The following SSTR3 variants were observed in gnomAD, a reference collection of about 807,000 sequenced individuals.
The protein encoded by SSTR3 is somatostatin receptor type 3.
For synonymous variants in SSTR3, 281 were observed against 269.2 expected, an observed-to-expected ratio of 1.04 and a Z score of -0.43; for missense variants, 504 against 604.7, an observed-to-expected ratio of 0.83 and a Z score of 1.75.
Position 37,210,775 on chromosome 22 carries a change from A to C in SSTR3, c.-37+1050T>G, listed in dbSNP as rs968690325. Reference sequence around the variant, plus strand: ...CAGTTCAGGGAGGCCAGGCACCCCAATCATTCTCCATTTGCCCATCTCCCA... The same window carrying C: ...CAGTTCAGGGAGGCCAGGCACCCCACTCATTCTCCATTTGCCCATCTCCCA... On this transcript the variant is annotated intron_variant, in intron 1 of 1. Transcript: ENST00000610913. The C allele has an allele frequency of 4.1e-6, 4 of 985,396 alleles. No individual in the cohort carries two copies. The African/African-American group carries it at 7.0e-5, about 17-fold the overall frequency. 61.0% of individuals were successfully genotyped at this position (985,396 alleles called of 1,614,324 possible).
At position 37,205,426 on chromosome 22, in the gene SSTR3, C is replaced by A; in HGVS notation, c.*1121G>T. ...AGATCTGTACTTCTCCTTCCCCCTCCTCATCCTCCCCTTTCCCCCTTGTCT... is the reference window on the plus strand; with the variant it reads ...AGATCTGTACTTCTCCTTCCCCCTCATCATCCTCCCCTTTCCCCCTTGTCT... On this transcript the variant is annotated 3_prime_UTR_variant, in exon 2 of 2. Transcript: ENST00000610913. 6.5e-6 allele frequency: 1 copy of A among 153,700 alleles called. No individual in the cohort carries two copies. The allele number at this position is 153,700 out of a possible 1,614,324, so 9.5% of individuals were successfully genotyped here.
rs774000607 is a variant in SSTR3, at chr22:37,207,275, G to A, written c.529C>T (p.Pro177Ser). Residue 177 changes from proline to serine, a missense_variant, in exon 2 of 2, where the codon CCC (proline) becomes TCC (serine). Pro to Ser is a moderately conservative substitution (Grantham distance 74, BLOSUM62 -1). Transcript: ENST00000610913. ...GGCACTCCCGAGAAGACCACCACGG[G>A]CAGCACCACCACGGCTGAGGCCACC... Reference protein sequence around the residue: ...VWVASAVVVLPVVVFSGVPRG... With the variant: ...VWVASAVVVLSVVVFSGVPRG... 1 of 1,596,516 alleles carries A rather than the reference G, an allele frequency of 6.3e-7. No individual in the cohort carries two copies. Among genetic ancestry groups the A allele is most frequent in the Non-Finnish European group, 8.5e-7 (1 of 1,170,478 alleles).
Position 37,212,209 on chromosome 22 carries a change from AAG to A in SSTR3, c.-423_-422del, listed in dbSNP as rs34856117. ...AAAGGGGGTCGGGAGGAGGTGGAGA[AAG>A]AGAGAGAGAGAGAAAGAGGGAGGGG... On this transcript the variant is annotated 5_prime_UTR_variant, in exon 1 of 2. An upstream open reading frame in the 5' UTR gains an earlier in-frame stop. Coordinates refer to ENST00000610913, the MANE Select transcript of SSTR3 (RefSeq NM_001051.5). 230,158 of 848,914 alleles carry A rather than the reference AAG, an allele frequency of 0.27. 31,364 individuals are homozygous for A. The highest frequency in any genetic ancestry group is 0.29 in the Non-Finnish European group (204,244 of 707,510). The allele number at this position is 848,914 out of a possible 1,614,324, so 52.6% of individuals were successfully genotyped here.
At chr22:37,212,530 T>A (rs1926258067), upstream of SSTR3, among the ~76,000 whole-genome samples, 1 of 139,012 alleles carries the variant, frequency 7.2e-6, no homozygotes, top group African/African-American at 2.7e-5. Flanking sequence ...GGGGGCGGGG[T>A]GCAGGTTAAG....
chr22:37,206,715 C>T lies in SSTR3; in HGVS notation c.1089G>A (p.Glu363=), dbSNP rs199911328. ...EEEEDGEESR[E]GGKGKEMNGR... is the part of the protein sequence containing the mutation. The stretch of plus-strand genomic sequence containing the variant: ...CGTTCATCTCCTTCCCCTTGCCCCC[C>T]TCCCTGCTCTCCTCCCCATCCTCCT... Residue 363 remains glutamate, a synonymous_variant, in exon 2 of 2, where the codon GAG becomes GAA. Coordinates refer to ENST00000610913, the MANE Select transcript of SSTR3 (RefSeq NM_001051.5). The T allele has an allele frequency of 6.8e-6, 11 of 1,608,724 alleles. No individual in the cohort carries two copies. In the African/African-American group the frequency reaches 1.3e-4, roughly 19 times the overall value.
Position 37,206,463 on chromosome 22 carries a change from G to A in SSTR3, c.*84C>T. ...CAGGCCCCTCAACATCCCATCATGGGCCTGTGGCACCTTGGGAAGTAGGCC... is the reference window on the plus strand; with the variant it reads ...CAGGCCCCTCAACATCCCATCATGGACCTGTGGCACCTTGGGAAGTAGGCC... On this transcript the variant is annotated 3_prime_UTR_variant, in exon 2 of 2. Transcript: ENST00000610913. 6.6e-7 allele frequency: 1 copy of A among 1,504,882 alleles called. No homozygotes were observed. The highest frequency in any genetic ancestry group is 2.2e-5 in the Admixed American group (1 of 45,462). The allele number at this position is 1,504,882 out of a possible 1,614,324, so 93.2% of individuals were successfully genotyped here. A position where few individuals can be genotyped will look rare whatever the true frequency, so the allele number is the denominator to read the frequency against.
At chr22:37,213,094 G>A (rs1228208704), upstream of SSTR3, among the ~76,000 whole-genome samples, 2 of 152,184 alleles carry the variant, frequency 1.3e-5, no homozygotes, top group Non-Finnish European at 2.9e-5. Context: ...ATCACCTTTT[G>A]CTTAATTGGA....
In SSTR3 at chr22:37,206,709, G is replaced by C. The variant is rs764525740; in HGVS notation, c.1095C>G (p.Gly365=). Residue 365 remains glycine, a synonymous_variant, in exon 2 of 2, where the codon GGC becomes GGG. Coordinates refer to ENST00000610913, the MANE Select transcript of SSTR3 (RefSeq NM_001051.5). Reference sequence around the variant, plus strand: ...CCCGGCCGTTCATCTCCTTCCCCTTGCCCCCCTCCCTGCTCTCCTCCCCAT... The same window carrying C: ...CCCGGCCGTTCATCTCCTTCCCCTTCCCCCCCTCCCTGCTCTCCTCCCCAT... The part of the protein sequence containing the change: ...EEDGEESREG[G]KGKEMNGRVS... 1 of 1,608,338 alleles carries C rather than the reference G, an allele frequency of 6.2e-7. No individual in the cohort carries two copies. The highest frequency in any genetic ancestry group is 1.1e-5 in the South Asian group (1 of 91,064).
chr22:37,205,406 T>A lies in SSTR3; in HGVS notation c.*1141A>T, dbSNP rs1339790540. 3 of 152,974 alleles carry A rather than the reference T, an allele frequency of 2.0e-5. No individual in the cohort carries two copies. The highest frequency in any genetic ancestry group is 7.2e-5 in the African/African-American group (3 of 41,456). The allele number at this position is 152,974 out of a possible 1,614,324, so 9.5% of individuals were successfully genotyped here. A position where few individuals can be genotyped will look rare whatever the true frequency, so the allele number is the denominator to read the frequency against. Reference sequence around the variant, plus strand: ...CAAAGACGGCTCCAGGAAACAGATCTGTACTTCTCCTTCCCCCTCCTCATC... The same window carrying A: ...CAAAGACGGCTCCAGGAAACAGATCAGTACTTCTCCTTCCCCCTCCTCATC... On this transcript the variant is annotated 3_prime_UTR_variant, in exon 2 of 2. Transcript: ENST00000610913.
upstream of SSTR3, among the ~76,000 whole-genome samples, chr22:37,216,580 A>G (rs1247639050): frequency 6.6e-6 from 1 of 152,244 alleles, no homozygotes; most frequent in East Asian, 1.9e-4. Flanking sequence ...TCCAGAGTCC[A>G]GCCTCAGGGA....
At position 37,206,624 on chromosome 22, in the gene SSTR3, TG is replaced by T. The variant is rs1925771318; in HGVS notation, c.1179del (p.Ser394AlafsTer45). 3 of 1,611,912 alleles carry T rather than the reference TG, an allele frequency of 1.9e-6. No individual in the cohort carries two copies. The highest frequency in any genetic ancestry group is 1.7e-5 in the Admixed American group (1 of 60,006). On this transcript the variant is annotated frameshift_variant, in exon 2 of 2. Coordinates refer to ENST00000610913, the MANE Select transcript of SSTR3 (RefSeq NM_001051.5). LOFTEE classifies it low-confidence loss of function (END_TRUNC). ...SGQERPPSRVASKEQQLLPQE... is the reference protein window; with the variant it reads ...SGQERPPSRVXSKEQQLLPQE... ...TGGGGTAGGAGCTGCTGCTCCTTGCTGGCCACTCTGCTGGGCGGCCGCTCCT... is the reference window on the plus strand; with the variant it reads ...TGGGGTAGGAGCTGCTGCTCCTTGCTGCCACTCTGCTGGGCGGCCGCTCCT...
the SSTR3 span, among the ~76,000 whole-genome samples, chr22:37,218,748 T>C: frequency 6.6e-6 from 1 of 151,974 alleles, no homozygotes; most frequent in African/African-American, 2.4e-5. Flanking sequence ...GGCTGAATAC[T>C]CCTTGCTGGG....
chr22:37,207,175 G>C lies in SSTR3; in HGVS notation c.629C>G (p.Thr210Arg). Residue 210 changes from threonine (T) to arginine (R), a missense_variant, in exon 2 of 2, where the codon ACG (threonine) becomes AGG (arginine). Coordinates refer to ENST00000610913, the MANE Select transcript of SSTR3 (RefSeq NM_001051.5). ...CGGCCCGAAGAAGCCCAGTGCGGCCGTGTAGATGATGAAGCCGGCTCGCCA... is the reference window on the plus strand; with the variant it reads ...CGGCCCGAAGAAGCCCAGTGCGGCCCTGTAGATGATGAAGCCGGCTCGCCA... ...AAWRAGFIIY[T>R]AALGFFGPLL... 6.2e-7 allele frequency: 1 copy of C among 1,612,268 alleles called. No individual in the cohort carries two copies. The highest frequency in any genetic ancestry group is 1.1e-5 in the South Asian group (1 of 91,070).
In SSTR3 at chr22:37,207,341, G is replaced by A. The variant is rs141443248; in HGVS notation, c.463C>T (p.Arg155Cys). Residue 155 changes from arginine (R) to cysteine (C), a missense_variant, in exon 2 of 2, where the codon CGC becomes TGC. Arg to Cys is a radical substitution (Grantham distance 180, BLOSUM62 -3). Coordinates refer to ENST00000610913, the MANE Select transcript of SSTR3 (RefSeq NM_001051.5). ...ACCGTGCGGGCCACCGGAGCTGTGC[G>A]CCAGCGGGCCGAGCGGGTGGGATGT... Reference protein sequence around the residue: ...VVHPTRSARWRTAPVARTVSA... With the variant: ...VVHPTRSARWCTAPVARTVSA... 40 of 1,603,508 alleles carry A rather than the reference G, an allele frequency of 2.5e-5. No homozygotes were observed. Among genetic ancestry groups the A allele is most frequent in the Admixed American group, 8.4e-5 (5 of 59,470 alleles).
rs138252753 is a variant in SSTR3 at position 37,207,745 on chromosome 22, G to A, written c.59C>T (p.Ser20Leu). ...STTSEPENAS[S>L]AWPPDATLGN... ...CAGGGTGGCATCTGGGGGCCAGGCC[G>A]AGGAGGCATTCTCAGGTTCTGAGGT... is the stretch of plus-strand genomic sequence containing the variant. Residue 20 changes from serine (S) to leucine (L), a missense_variant, in exon 2 of 2, where the codon TCG becomes TTG. Physicochemically the swap from Ser to Leu is moderately radical, Grantham distance 145. Coordinates refer to ENST00000610913, the MANE Select transcript of SSTR3 (RefSeq NM_001051.5). 58 of 1,522,842 alleles carry A rather than the reference G, an allele frequency of 3.8e-5. No individual in the cohort carries two copies. The highest frequency in any genetic ancestry group is 3.6e-4 in the Middle Eastern group (2 of 5,630). The allele number at this position is 1,522,842 out of a possible 1,614,324, so 94.3% of individuals were successfully genotyped here.
chr22:37,204,900 C>G lies in SSTR3; in HGVS notation c.*1647G>C, dbSNP rs942563690. 1.3e-5 allele frequency: 2 copies of G among 152,454 alleles called. No individual in the cohort carries two copies. The highest frequency in any genetic ancestry group is 6.5e-5 in the Admixed American group (1 of 15,280). The allele number at this position is 152,454 out of a possible 1,614,324, so 9.4% of individuals were successfully genotyped here. On this transcript the variant is annotated 3_prime_UTR_variant, in exon 2 of 2. Coordinates refer to ENST00000610913, the MANE Select transcript of SSTR3 (RefSeq NM_001051.5). ...TGGTTCCTGTGCTTTCCCTGAGGAC[C>G]CCTGCCCTCTGCAAGGGGTGGGGAA...
chr22:37,218,311 C>T, the SSTR3 span, among the ~76,000 whole-genome samples: 1 of 152,214 alleles, frequency 6.6e-6, no homozygotes, highest in Non-Finnish European at 1.5e-5. Context: ...AATCCCAGCA[C>T]TTTGGGAAGC....
chr22:37,216,141 T>C (rs1371624354), upstream of SSTR3, among the ~76,000 whole-genome samples: 1 of 152,208 alleles, frequency 6.6e-6, no homozygotes, highest in Non-Finnish European at 1.5e-5. Flanking sequence ...TGGACTACTG[T>C]AGCGCTGAAA....
In SSTR3 at chr22:37,206,789, C is replaced by A; in HGVS notation, c.1015G>T (p.Glu339Ter). Residue 339 changes from glutamate to a stop codon, truncating the protein, a stop_gained, in exon 2 of 2, where the codon GAG becomes TAG. Transcript: ENST00000610913. LOFTEE classifies it low-confidence loss of function (END_TRUNC). Reference protein sequence around the residue: ...LRPSRRVRSQEPTVGPPEKTE... With the variant: ...LRPSRRVRSQ The stretch of plus-strand genomic sequence containing the variant: ...TTCTCCGGGGGCCCCACAGTGGGCT[C>A]CTGGCTGCGCACACGGCGGGAGGGC... The A allele has an allele frequency of 6.2e-7, 1 of 1,611,904 alleles. No individual in the cohort carries two copies. The highest frequency in any genetic ancestry group is 1.3e-5 in the African/African-American group (1 of 75,068).
Sources: gnomAD v4.1 joint callset for allele counts (sites outside exome capture counted in the v4.1 genomes callset) on GRCh38, gnomAD v4.1.1 for gene constraint, MANE v1.5 for transcripts, NCBI Gene and HGNC (gene_info 2026-07-23, HGNC 2026-07-21) for gene names.